ABLIM2: variants seen among roughly 807,000 people sequenced by gnomAD.
ABLIM2 encodes actin binding LIM protein family member 2.
In ABLIM2, 53 loss-of-function variants were observed where a neutral mutation model predicts 97.7. The ratio of observed to expected loss-of-function variants is 0.54; its 90% CI spans 0.44 to 0.68. The LOEUF (loss-of-function observed/expected upper bound fraction) is 0.68, where lower values mean the gene tolerates loss of function less well. ABLIM2 is among the 30% of genes least tolerant of loss of function. ABLIM2 has a pLI of 0.00. For missense variants in ABLIM2, 835 were observed against 867.2 expected, an observed-to-expected ratio of 0.96 and a Z score of 0.47; for synonymous variants, 361 against 345.8, an observed-to-expected ratio of 1.04 and a Z score of -0.49.
chr4:8,088,135 C>G, intron 4 of ABLIM2, 34 bp downstream of exon 4: 1 of 1,315,808 alleles, frequency 7.6e-7, no homozygotes, highest in African/African-American at 1.6e-5. Context: ...CAGCATGCCC[C>G]CACTCAACAT....
At chr4:8,070,344 G>A (rs1811142684) in intron 6 of ABLIM2, among the ~76,000 whole-genome samples, 1 of 151,878 alleles carries the variant, frequency 6.6e-6, no homozygotes, top group South Asian at 2.1e-4. Context: ...CTGAAAGGAT[G>A]ACTTCTAGAT....
chr4:7,990,654 C>T (rs1009337839), intron 17 of ABLIM2, among the ~76,000 whole-genome samples: 11 of 152,062 alleles, frequency 7.2e-5, no homozygotes, highest in African/African-American at 2.4e-4. Flanking sequence ...AAGAAACGGC[C>T]TAGGAAATGA....
intron 20 of ABLIM2, among the ~76,000 whole-genome samples, chr4:7,975,884 A>T (rs12644791): frequency 0.17 from 26,173 of 152,086 alleles, 2,826 homozygotes; most frequent in East Asian, 0.53. Flanking sequence ...GCCCGACTTC[A>T]GAGGGCCAAA....
intron 3 of ABLIM2, among the ~76,000 whole-genome samples, chr4:8,089,908 G>A (rs73216495): frequency 0.25 from 37,348 of 152,002 alleles, 5,684 homozygotes; most frequent in Middle Eastern, 0.34. Context: ...CCAAGTCCCT[G>A]CCTGGCCTCC....
At position 8,123,296 on chromosome 4, in the gene ABLIM2, G is replaced by A. The variant is rs999322234; in HGVS notation, c.11-16659C>T. Among the ~76,000 whole-genome samples the A allele has an allele frequency of 6.6e-6, 1 of 152,150 alleles. No individual in the cohort carries two copies. Among genetic ancestry groups the A allele is most frequent in the Non-Finnish European group, 1.5e-5 (1 of 68,032 alleles). On this transcript the variant is annotated intron_variant, in intron 1 of 20. Coordinates refer to ENST00000447017, the MANE Select transcript of ABLIM2 (RefSeq NM_001130083.2). This position sits in a 1 kb window ranked among gnomAD's most constrained non-coding sequence, Gnocchi z 6.2. ...CCCATCTCCAACTGGCATGAGAGGC[G>A]TTGTCACCCTCAGGCTGCAGGCAAG...
At chr4:8,020,690 T>C (rs1260423760) in intron 12 of ABLIM2, 4 of 270,948 alleles carry the variant, frequency 1.5e-5, no homozygotes, top group African/African-American at 8.9e-5. Context: ...TATCCTTGTA[T>C]ATAAACATGC....
At position 8,023,160 on chromosome 4, in the gene ABLIM2, C is replaced by T. The variant is rs1775058008; in HGVS notation, c.1268-2857G>A. ...CAGGTAGTCCAGGGGGCTCCCGCAC[C>T]CTCCCGGCCCGCGTCCCTGCCGTCC... is the stretch of plus-strand genomic sequence containing the variant. On this transcript the variant is annotated intron_variant, in intron 12 of 20. Coordinates refer to ENST00000447017, the MANE Select transcript of ABLIM2 (RefSeq NM_001130083.2). The surrounding 1 kb of genome is among the most constrained non-coding windows in gnomAD (Gnocchi z 5.7). 1 of 152,344 alleles carries T rather than the reference C, an allele frequency of 6.6e-6. No homozygotes were observed. Among genetic ancestry groups the T allele is most frequent in the Non-Finnish European group, 1.5e-5 (1 of 68,142 alleles). The allele number at this position is 152,344 out of a possible 1,614,324, so 9.4% of individuals were successfully genotyped here.
rs1400643405 is a variant in ABLIM2, at chr4:8,066,255, G to A, written c.676-5201C>T. The stretch of plus-strand genomic sequence containing the variant: ...CGGGAGGCAGAGCTTGCAGTGAGCC[G>A]AGATAGCGCCAGTGCACTCCAGCCT... On this transcript the variant is annotated intron_variant, in intron 6 of 20. Coordinates refer to ENST00000447017, the MANE Select transcript of ABLIM2 (RefSeq NM_001130083.2). Among the ~76,000 whole-genome samples, 5 of 148,198 alleles carry A rather than the reference G, an allele frequency of 3.4e-5. No homozygotes were observed. In the East Asian group the frequency reaches 5.9e-4, roughly 18 times the overall value.
At position 8,083,797 on chromosome 4, in the gene ABLIM2, C is replaced by T. The variant is rs556211041; in HGVS notation, c.455-2995G>A. ...CCCCCCAATGTCAGCTGGCCACGTGCCCGTACATCCTGGTTGGCACTGCCA... is the reference window on the plus strand; with the variant it reads ...CCCCCCAATGTCAGCTGGCCACGTGTCCGTACATCCTGGTTGGCACTGCCA... On this transcript the variant is annotated intron_variant, in intron 4 of 20. Transcript: ENST00000447017. The surrounding 1 kb of genome is among the most constrained non-coding windows in gnomAD (Gnocchi z 4.6). Among the ~76,000 whole-genome samples, 6 of 152,328 alleles carry T rather than the reference C, an allele frequency of 3.9e-5. No homozygotes were observed. The highest frequency in any genetic ancestry group is 2.9e-5 in the Non-Finnish European group (2 of 68,034).
At chr4:8,136,892 G>C (rs548887134) in intron 1 of ABLIM2, among the ~76,000 whole-genome samples, 18 of 152,356 alleles carry the variant, frequency 1.2e-4, no homozygotes, top group Admixed American at 1.0e-3. Flanking sequence ...AATGTTTGTG[G>C]CTCCCCCTCC....
intron 10 of ABLIM2, among the ~76,000 whole-genome samples, chr4:8,034,567 TAG>T (rs1275681450): frequency 6.3e-5 from 1 of 15,968 alleles, no homozygotes. Flanking sequence ...GGGTGGTAGG[TAG>T]GGGCAGGTGG....
At chr4:8,006,714 G>C (rs1472816400) in intron 16 of ABLIM2, among the ~76,000 whole-genome samples, 3 of 152,210 alleles carry the variant, frequency 2.0e-5, no homozygotes, top group African/African-American at 7.2e-5. Flanking sequence ...CCGAGAGAGA[G>C]GGACCGGAGG....
At chr4:8,016,328 GC>G (rs1349002453) in intron 14 of ABLIM2, among the ~76,000 whole-genome samples, 2 of 152,308 alleles carry the variant, frequency 1.3e-5, no homozygotes, top group East Asian at 3.9e-4. Context: ...ACAGGCATGA[GC>G]CACTGTGCCT....
intron 17 of ABLIM2, among the ~76,000 whole-genome samples, chr4:7,990,231 G>A (rs528321791): frequency 2.9e-4 from 44 of 152,108 alleles, no homozygotes; most frequent in Admixed American, 3.9e-4. Flanking sequence ...ATGAAGTCTC[G>A]CTCTGTCACC....
At chr4:7,982,274 T>C (rs1739256291) in intron 20 of ABLIM2, among the ~76,000 whole-genome samples, 1 of 152,160 alleles carries the variant, frequency 6.6e-6, no homozygotes, top group African/African-American at 2.4e-5. Context: ...CCTGTGCACA[T>C]GGGGTCATAC....
In ABLIM2 at chr4:8,120,452, G is replaced by A. The variant is rs1047332347; in HGVS notation, c.11-13815C>T. Among the ~76,000 whole-genome samples, 25 of 152,294 alleles carry A rather than the reference G, an allele frequency of 1.6e-4. No individual in the cohort carries two copies. Among genetic ancestry groups the A allele is most frequent in the African/African-American group, 5.3e-4 (22 of 41,552 alleles). On this transcript the variant is annotated intron_variant, in intron 1 of 20. Transcript: ENST00000447017. The surrounding 1 kb of genome is among the most constrained non-coding windows in gnomAD (Gnocchi z 5.6). ...CAATCCCCCGTCTGTGTGTTTTGTC[G>A]TGGCAGCATGGGAAACCAGAGGGAA...
chr4:8,111,473 T>C (rs1308976305), intron 1 of ABLIM2, among the ~76,000 whole-genome samples: 2 of 152,190 alleles, frequency 1.3e-5, no homozygotes, highest in African/African-American at 4.8e-5. Context: ...AAGTATGAAC[T>C]TCGCTTAAGA....
rs190452026 is a variant in ABLIM2 at position 8,051,285 on chromosome 4, A to G, written c.822+2903T>C. On this transcript the variant is annotated intron_variant, in intron 8 of 20. Transcript: ENST00000447017. ...TTTTAGGGGCCGGGCGTGGTAGCTC[A>G]CGCCTGTAATCCCAGCACTTTGGGA... Among the ~76,000 whole-genome samples, 450 of 152,314 alleles carry G rather than the reference A, an allele frequency of 3.0e-3. 3 individuals are homozygous for G. Among genetic ancestry groups the G allele is most frequent in the African/African-American group, 0.01 (434 of 41,572 alleles).
chr4:8,086,470 C>A (rs1401143349), intron 4 of ABLIM2, among the ~76,000 whole-genome samples: 3 of 151,844 alleles, frequency 2.0e-5, no homozygotes, highest in African/African-American at 7.3e-5. Context: ...GCCTCGGCAT[C>A]CTGAGTAGCT....
Sources: gnomAD v4.1 joint callset for allele counts (sites outside exome capture counted in the v4.1 genomes callset) on GRCh38, gnomAD v4.1.1 for gene constraint, Gnocchi (gnomAD v3.1) non-coding constraint, MANE v1.5 for transcripts, NCBI Gene and HGNC (gene_info 2026-07-23, HGNC 2026-07-21) for gene names.